Variants in SEMA4D observed in about 807,000 individuals in gnomAD.
The protein encoded by SEMA4D is semaphorin 4D, also known as semaphorin-4D.
In SEMA4D, 22 loss-of-function variants were observed where a neutral mutation model predicts 74.8. The ratio of observed to expected loss-of-function variants is 0.29; its 90% confidence interval spans 0.21 to 0.42. The LOEUF (loss-of-function observed/expected upper bound fraction) is 0.42. Ranked by LOEUF, SEMA4D falls within the 10% of genes least tolerant of loss-of-function variation. SEMA4D has a pLI of 1.00. For missense variants in SEMA4D, 937 were observed against 1,118.4 expected (o/e 0.84, Z 2.31); for synonymous variants, 445 against 463.7 (o/e 0.96, Z 0.52).
At position 89,450,839 on chromosome 9, in the gene SEMA4D, C is replaced by A. The variant is rs530116173; in HGVS notation, c.-244+5049G>T. ...GACTCTGTGAAGTGCAGTTCTTCTCCACCTAGGACTGCCAGCAGAGTGGGG... is the reference window on the plus strand; with the variant it reads ...GACTCTGTGAAGTGCAGTTCTTCTCAACCTAGGACTGCCAGCAGAGTGGGG... On this transcript the variant is annotated intron_variant, in intron 2 of 15. Transcript: ENST00000422704. 36 of 620,958 alleles carry A rather than the reference C, an allele frequency of 5.8e-5. No homozygotes were observed. In the South Asian group the frequency reaches 8.2e-4, roughly 14 times the overall value. The allele number at this position is 620,958 out of a possible 1,614,324, so 38.5% of individuals were successfully genotyped here. A position where few individuals can be genotyped will look rare whatever the true frequency, so the allele number is the denominator to read the frequency against.
At chr9:89,488,102 T>C (rs954208763) in intron 1 of SEMA4D, among the ~76,000 whole-genome samples, 1 of 152,134 alleles carries the variant, frequency 6.6e-6, no homozygotes, top group African/African-American at 2.4e-5. Flanking sequence ...ACAGAGACAG[T>C]GTGATACTGG....
At chr9:89,460,623 A>C (rs933449410) in intron 1 of SEMA4D, among the ~76,000 whole-genome samples, 8 of 152,226 alleles carry the variant, frequency 5.3e-5, no homozygotes, top group African/African-American at 1.9e-4. Context: ...GTTCAGACCC[A>C]CTGCTCATGA....
chr9:89,443,701 G>T (rs1852190837), intron 2 of SEMA4D, among the ~76,000 whole-genome samples: 1 of 152,188 alleles, frequency 6.6e-6, no homozygotes, highest in Non-Finnish European at 1.5e-5. Context: ...GTCCTGTATG[G>T]GCTGGCACCT....
At chr9:89,427,132 G>A (rs1848277617) in intron 2 of SEMA4D, among the ~76,000 whole-genome samples, 1 of 152,180 alleles carries the variant, frequency 6.6e-6, no homozygotes, top group Non-Finnish European at 1.5e-5. Context: ...ATGAATTATA[G>A]TCAATCCCCA....
rs148705703 is a variant in SEMA4D, at chr9:89,474,569, T to C, written c.-309-18616A>G. On this transcript the variant is annotated intron_variant, in intron 1 of 15. Transcript: ENST00000422704. The stretch of plus-strand genomic sequence containing the variant: ...GAACTCCACTGAGCTTCAGAACCCG[T>C]GGGTGATTTTTGTTTTTTCAGTGTG... Among the ~76,000 whole-genome samples the C allele has an allele frequency of 1.4e-4, 22 of 152,320 alleles. No homozygotes were observed. In the East Asian group the frequency reaches 4.2e-3, roughly 29 times the overall value.
intron 2 of SEMA4D, chr9:89,449,681 A>AG: frequency 6.6e-7 from 1 of 1,510,934 alleles, no homozygotes; most frequent in South Asian, 1.1e-5. Context: ...CATCTAGCTC[A>AG]GGTGTGTCAG....
At chr9:89,385,009 G>A (rs1838108914) in intron 13 of SEMA4D, 1 of 985,414 alleles carries the variant, frequency 1.0e-6, no homozygotes, top group Non-Finnish European at 1.2e-6. Flanking sequence ...AGGCGGGTCG[G>A]GTGGTCCAGT....
chr9:89,437,926 C>CTGGT (rs1228704734), intron 2 of SEMA4D, among the ~76,000 whole-genome samples: 1 of 152,248 alleles, frequency 6.6e-6, no homozygotes, highest in Non-Finnish European at 1.5e-5. Context: ...GATGAGCCAT[C>CTGGT]CAACCTGCTA....
At chr9:89,395,167 T>A (rs1564610416) in intron 6 of SEMA4D, among the ~76,000 whole-genome samples, 1 of 152,244 alleles carries the variant, frequency 6.6e-6, no homozygotes, top group Non-Finnish European at 1.5e-5. Flanking sequence ...GGCTCATGCC[T>A]GTAATACCAG....
intron 2 of SEMA4D, among the ~76,000 whole-genome samples, chr9:89,455,643 C>T (rs1036328621): frequency 6.6e-6 from 1 of 152,186 alleles, no homozygotes; most frequent in Non-Finnish European, 1.5e-5. Context: ...CTCCCCTGCC[C>T]CACCCACTCT....
chr9:89,454,084 A>AAT (rs1855336660), intron 2 of SEMA4D, among the ~76,000 whole-genome samples: 1 of 152,052 alleles, frequency 6.6e-6, no homozygotes, highest in Non-Finnish European at 1.5e-5. Context: ...GTCTCGATAG[A>AAT]ATATATGACT....
At chr9:89,444,289 G>C (rs1019014156) in intron 2 of SEMA4D, among the ~76,000 whole-genome samples, 3 of 152,062 alleles carry the variant, frequency 2.0e-5, no homozygotes, top group Admixed American at 1.3e-4. Context: ...ATCATGCTCT[G>C]CCCAGGAGTC....
chr9:89,467,873 A>G (rs1163871378), intron 1 of SEMA4D, among the ~76,000 whole-genome samples: 1 of 152,218 alleles, frequency 6.6e-6, no homozygotes, highest in Non-Finnish European at 1.5e-5. Context: ...CCACAGCAGA[A>G]GCAGGGAGAG....
At chr9:89,417,471 T>C (rs1434893696) in intron 2 of SEMA4D, among the ~76,000 whole-genome samples, 1 of 152,208 alleles carries the variant, frequency 6.6e-6, no homozygotes, top group Non-Finnish European at 1.5e-5. Context: ...ATAAAAAACC[T>C]TGTGGGGGCT....
downstream of SEMA4D, among the ~76,000 whole-genome samples, chr9:89,374,511 C>T (rs1053380774): frequency 1.3e-5 from 2 of 152,232 alleles, no homozygotes; most frequent in East Asian, 1.9e-4. Flanking sequence ...GTGTTTGACA[C>T]TTCACTCTTC....
intron 2 of SEMA4D, among the ~76,000 whole-genome samples, chr9:89,414,878 C>CAG (rs5899080): frequency 0.27 from 40,676 of 152,050 alleles, 5,767 homozygotes; most frequent in Middle Eastern, 0.4. Context: ...CAGGATATCT[C>CAG]AGACATGCTC....
downstream of SEMA4D, chr9:89,376,833 C>T (rs1441261830): frequency 1.3e-6 from 2 of 1,547,804 alleles, no homozygotes; most frequent in African/African-American, 2.7e-5. Flanking sequence ...CCCAACTCAC[C>T]TGTGGCCTGG....
intron 2 of SEMA4D, among the ~76,000 whole-genome samples, chr9:89,433,975 G>C (rs1231088811): frequency 2.0e-5 from 3 of 152,176 alleles, no homozygotes; most frequent in Admixed American, 6.5e-5. Context: ...TGCAGACGTG[G>C]GCAGGAATCT....
chr9:89,456,387 T>C (rs962183708), intron 1 of SEMA4D, among the ~76,000 whole-genome samples: 1 of 152,246 alleles, frequency 6.6e-6, no homozygotes, highest in Non-Finnish European at 1.5e-5. Context: ...AGAAGGACAC[T>C]GTAGTACAAA....
Sources: allele counts gnomAD v4.1 joint callset (sites outside exome capture counted in the v4.1 genomes callset), GRCh38; gene constraint gnomAD v4.1.1; transcripts MANE v1.5; gene names NCBI Gene and HGNC (gene_info 2026-07-23, HGNC 2026-07-21).